The following GPNMB variants were observed in gnomAD, a reference collection of about 807,000 sequenced individuals.
The protein encoded by GPNMB is transmembrane glycoprotein NMB.
GPNMB carries 71 observed loss-of-function variants against 57.3 expected under a neutral mutation model. The observed-to-expected ratio is 1.24, with a 90% confidence interval of 1.02 to 1.51. The LOEUF is 1.51. Among genes scored for constraint, GPNMB ranks in the 40% most tolerant of loss-of-function variants. GPNMB has a pLI of 0.00. For missense variants in GPNMB, 677 were observed against 691.9 expected (o/e 0.98, Z 0.24); for synonymous variants, 253 against 263.2 (o/e 0.96, Z 0.38).
At chr7:23,258,552 A>C (rs1410334097) in intron 4 of GPNMB, among the ~76,000 whole-genome samples, 1 of 152,194 alleles carries the variant, frequency 6.6e-6, no homozygotes, top group Non-Finnish European at 1.5e-5. Context: ...AAACATTCCA[A>C]TAACTTAACC....
At chr7:23,253,515 T>C (rs1226128118) in intron 2 of GPNMB, 56 bp downstream of exon 2, 28 of 1,463,602 alleles carry the variant, frequency 1.9e-5, no homozygotes, top group Non-Finnish European at 2.7e-5. Flanking sequence ...GTAAGTCTTG[T>C]AGATGGTAAA....
chr7:23,262,025 C>T (rs1782937069), intron 6 of GPNMB, among the ~76,000 whole-genome samples: 1 of 152,104 alleles, frequency 6.6e-6, no homozygotes, highest in Non-Finnish European at 1.5e-5. Context: ...CATCCTCTCA[C>T]TGGTCACAAG....
rs1423240548 is a variant in GPNMB at position 23,256,956 on chromosome 7, G to A, written c.432G>A (p.Gly144=). The A allele has an allele frequency of 1.2e-6, 2 of 1,614,130 alleles. No homozygotes were observed. Among genetic ancestry groups the A allele is most frequent in the East Asian group, 2.2e-5 (1 of 44,884 alleles). Residue 144 remains glycine, a synonymous_variant, in exon 4 of 11, where the codon GGG becomes GGA. Transcript: ENST00000258733. ...CAGCATGGTCAGAGGACAGTGACGGGGAAAATGGCACCGGCCAAAGCCATC... is the reference window on the plus strand; with the variant it reads ...CAGCATGGTCAGAGGACAGTGACGGAGAAAATGGCACCGGCCAAAGCCATC... The part of the protein sequence containing the change: ...NWTAWSEDSD[G]ENGTGQSHHN...
intron 1 of GPNMB, chr7:23,250,819 A>T (rs997542091): frequency 6.6e-6 from 1 of 152,206 alleles, no homozygotes; most frequent in Admixed American, 6.5e-5. Context: ...TTGTCCTGGG[A>T]ATCAAAAGAT....
intron 9 of GPNMB, chr7:23,273,196 G>A (rs1783251502): frequency 4.3e-6 from 1 of 231,024 alleles, no homozygotes; most frequent in Non-Finnish European, 8.3e-6. Flanking sequence ...GAGAGAGGAA[G>A]CTGGAGGCAC....
chr7:23,269,990 T>C lies in GPNMB; in HGVS notation c.1244T>C (p.Ile415Thr), dbSNP rs760476750. ...AGCATTCCCACGGAGGTCTGTACCA[T>C]CATTTCTGACCCCACCTGCGAGATC... ...QGSIPTEVCT[I>T]ISDPTCEITQ... The change falls in exon 9 of 11, where the codon ATC becomes ACC. Residue 415 changes from isoleucine to threonine, a missense_variant. Ile to Thr is a moderately conservative substitution (Grantham distance 89). Coordinates refer to ENST00000258733, the MANE Select transcript of GPNMB (RefSeq NM_002510.3). 4 of 1,613,956 alleles carry C rather than the reference T, an allele frequency of 2.5e-6. No homozygotes were observed. In the East Asian group the frequency reaches 6.7e-5, roughly 27 times the overall value.
intron 10 of GPNMB, 84 bp downstream of exon 10, chr7:23,273,698 C>T: frequency 2.2e-6 from 2 of 900,872 alleles, no homozygotes; most frequent in South Asian, 1.4e-5. Flanking sequence ...GCATTTTTCC[C>T]TTTTTTGCTT....
intron 3 of GPNMB, among the ~76,000 whole-genome samples, chr7:23,255,208 G>A (rs1782747336): frequency 6.6e-6 from 1 of 152,064 alleles, no homozygotes; most frequent in Non-Finnish European, 1.5e-5. Context: ...TAGTACAGAC[G>A]GGGTTTCCCC....
chr7:23,271,330 G>A (rs1312129221), intron 9 of GPNMB, among the ~76,000 whole-genome samples: 1 of 152,194 alleles, frequency 6.6e-6, no homozygotes, highest in Non-Finnish European at 1.5e-5. Flanking sequence ...GTCTGGGGGT[G>A]GGGGACCCCT....
In GPNMB at chr7:23,267,961, T is replaced by C. The variant is rs1390457982; in HGVS notation, c.1193T>C (p.Ile398Thr). The C allele has an allele frequency of 7.4e-6, 12 of 1,613,106 alleles. No individual in the cohort carries two copies. In the Admixed American group the frequency reaches 8.3e-5, roughly 11 times the overall value. ...GTGCCATGGCCTGAAAGCTCCCTAA[T>C]AGACTTTGTCGTGACCTGCCAAGGG... ...MPVPWPESSLIDFVVTCQGSI... is the reference protein window; with the variant it reads ...MPVPWPESSLTDFVVTCQGSI... Residue 398 changes from isoleucine to threonine, a missense_variant, in exon 8 of 11, where the codon ATA becomes ACA. Ile to Thr is a moderately conservative substitution (Grantham distance 89). Coordinates refer to ENST00000258733, the MANE Select transcript of GPNMB (RefSeq NM_002510.3).
rs1024290701 is a variant in GPNMB at position 23,259,898 on chromosome 7, G to C, written c.542-82G>C. On this transcript the variant is annotated intron_variant, in intron 4 of 10. Transcript: ENST00000258733. ...CCCTCCTCAGAGCAATCTATAAATG[G>C]TGGTAGCTAGTCTTTAAGGAACAGC... The C allele has an allele frequency of 9.2e-6, 12 of 1,297,570 alleles. 1 individual carries two copies. In the South Asian group the frequency reaches 1.5e-4, roughly 17 times the overall value. 80.4% of individuals were successfully genotyped at this position (1,297,570 alleles called of 1,614,324 possible).
rs1025810502 is a variant in GPNMB at position 23,253,402 on chromosome 7, G to A, written c.166G>A (p.Glu56Lys). 2 of 1,614,010 alleles carry A rather than the reference G, an allele frequency of 1.2e-6. No individual in the cohort carries two copies. The highest frequency in any genetic ancestry group is 1.1e-5 in the South Asian group (1 of 91,076). The change falls in exon 2 of 11, where the codon GAA (glutamate) becomes AAA (lysine). Residue 56 changes from glutamate (E) to lysine (K), a missense_variant. Transcript: ENST00000258733. ...GWSSDENDWN[E>K]KLYPVWKRGD... Reference sequence around the variant, plus strand: ...GTCTTCTGATGAAAATGACTGGAATGAAAAACTCTACCCAGTGTGGAAGCG... The same window carrying A: ...GTCTTCTGATGAAAATGACTGGAATAAAAAACTCTACCCAGTGTGGAAGCG...
At chr7:23,251,645 CTCTGGGCA>C (rs1782664360) in intron 1 of GPNMB, among the ~76,000 whole-genome samples, 1 of 152,146 alleles carries the variant, frequency 6.6e-6, no homozygotes, top group South Asian at 2.1e-4. Flanking sequence ...GCTGCCATAG[CTCTGGGCA>C]TCACATCATT....
intron 6 of GPNMB, among the ~76,000 whole-genome samples, chr7:23,262,323 C>T (rs1239438194): frequency 6.6e-6 from 1 of 152,064 alleles, no homozygotes; most frequent in African/African-American, 2.4e-5. Context: ...TACTCTCCTC[C>T]CAAGAGTTAA....
chr7:23,274,449 T>C lies in GPNMB; in HGVS notation c.*225T>C. On this transcript the variant is annotated 3_prime_UTR_variant, in exon 11 of 11. Transcript: ENST00000258733. ...ACTGATAAAAGCAACTTAGCAAGGC[T>C]TCTTTTCATTATTTTTTATGTTTCA... 1 of 413,698 alleles carries C rather than the reference T, an allele frequency of 2.4e-6. No individual in the cohort carries two copies. The highest frequency in any genetic ancestry group is 4.3e-6 in the Non-Finnish European group (1 of 233,574). 25.6% of individuals were successfully genotyped at this position (413,698 alleles called of 1,614,324 possible). A position where few individuals can be genotyped will look rare whatever the true frequency, so the allele number is the denominator to read the frequency against.
intron 4 of GPNMB, chr7:23,257,300 T>C (rs2128482133): frequency 1.7e-6 from 1 of 589,452 alleles, no homozygotes; most frequent in East Asian, 2.8e-5. Context: ...ATTAAGCTCT[T>C]TTTCAAAAAA....
In GPNMB at chr7:23,270,191, T is replaced by C. The variant is rs183425500; in HGVS notation, c.1429+16T>C. On this transcript the variant is annotated intron_variant, in intron 9 of 10. Transcript: ENST00000258733. ...CCTGACAGAGGTGAGTTTTGTTTTA[T>C]GGCCATATGAGCATTTCATACTGCA... is the stretch of plus-strand genomic sequence containing the variant. 20 of 1,584,856 alleles carry C rather than the reference T, an allele frequency of 1.3e-5. No homozygotes were observed. The highest frequency in any genetic ancestry group is 8.9e-5 in the East Asian group (4 of 44,750).
At chr7:23,260,866 A>T (rs887017784) in intron 6 of GPNMB, 93 bp downstream of exon 6, 35 of 1,024,464 alleles carry the variant, frequency 3.4e-5, no homozygotes, top group Non-Finnish European at 4.7e-5. Context: ...TTAAGGGGAT[A>T]TTGTAAGGAC....
chr7:23,250,013 C>T (rs1782624870), intron 1 of GPNMB, among the ~76,000 whole-genome samples: 1 of 152,190 alleles, frequency 6.6e-6, no homozygotes, highest in Non-Finnish European at 1.5e-5. Flanking sequence ...TGATATTTCA[C>T]TACTGGCTAA....
Sources: allele counts gnomAD v4.1 joint callset (sites outside exome capture counted in the v4.1 genomes callset), GRCh38; gene constraint gnomAD v4.1.1; transcripts MANE v1.5; gene names NCBI Gene and HGNC (gene_info 2026-07-23, HGNC 2026-07-21).